SUN3: variants seen among roughly 807,000 people sequenced by gnomAD.
SUN3 encodes the protein Sad1 and UNC84 domain containing 3.
In SUN3, 36 loss-of-function variants were observed where a neutral mutation model predicts 48.2. The ratio of observed to expected loss-of-function variants is 0.75; its 90% CI spans 0.57 to 0.99. The LOEUF is 0.99. Ranked by LOEUF, SUN3 falls within the 50% of genes least tolerant of loss-of-function variation. The pLI is 0.00. For missense variants in SUN3, 419 were observed against 433.1 expected (o/e 0.97, Z 0.29); for synonymous variants, 148 against 147.9 (o/e 1.00, Z 0.00).
chr7:48,009,667 G>A lies in SUN3; in HGVS notation c.289-592C>T, dbSNP rs1268818577. ...GGTATAGATAGTCTCTGGTATGGAC[G>A]GTCTTGGTGGTGCCCAAACCAAGAC... is the stretch of plus-strand genomic sequence containing the variant. On this transcript the variant is annotated intron_variant, in intron 3 of 9. Coordinates refer to ENST00000297325, the MANE Select transcript of SUN3 (RefSeq NM_001030019.2). 9.2e-5 allele frequency among the ~76,000 whole-genome samples: 14 copies of A among 152,160 alleles called. No homozygotes were observed. The East Asian group carries it at 1.9e-3, about 21-fold the overall frequency.
chr7:48,001,312 C>T (rs1331959592), intron 6 of SUN3, among the ~76,000 whole-genome samples: 1 of 152,102 alleles, frequency 6.6e-6, no homozygotes, highest in Non-Finnish European at 1.5e-5. Flanking sequence ...TCATTTAGCT[C>T]CCACTTATAA....
upstream of SUN3, among the ~76,000 whole-genome samples, chr7:48,033,912 G>A (rs1472492264): frequency 2.6e-5 from 4 of 152,146 alleles, no homozygotes; most frequent in South Asian, 8.3e-4. Flanking sequence ...AAATTAGCCA[G>A]GCGTGGTAGC....
chr7:48,001,133 C>T (rs906936750), intron 6 of SUN3, among the ~76,000 whole-genome samples: 32 of 152,164 alleles, frequency 2.1e-4, no homozygotes, highest in African/African-American at 7.5e-4. Flanking sequence ...AGGTTTGTTA[C>T]ACAGAAAAAC....
chr7:48,028,829 G>C lies in SUN3; in HGVS notation c.110C>G (p.Pro37Arg), dbSNP rs138855382. 1,630 of 1,613,790 alleles carry C rather than the reference G, an allele frequency of 1.0e-3. 1 individual carries two copies. Among genetic ancestry groups the C allele is most frequent in the Admixed American group, 1.3e-3 (77 of 59,982 alleles). Residue 37 changes from proline to arginine, a missense_variant, in exon 1 of 10, where the codon CCT becomes CGT. Pro to Arg is a moderately radical substitution (Grantham distance 103). Transcript: ENST00000297325. ...CATGTTTACCTACCCATTCGCATCA[G>C]GATTTTCGTCCTCTGATAACAAAGC... ...GNALLSEDEN[P>R]DANGVTRSWK...
At chr7:48,029,733 A>G (rs1331491191), upstream of SUN3, among the ~76,000 whole-genome samples, 2 of 152,160 alleles carry the variant, frequency 1.3e-5, no homozygotes, top group African/African-American at 4.8e-5. Flanking sequence ...CTAGAAACAG[A>G]ATAGTTAGGT....
chr7:48,019,978 A>AAAAAAAAAAAAAAAAAAAAAAAAT (rs1789943903), intron 2 of SUN3, among the ~76,000 whole-genome samples: 1 of 81,126 alleles, frequency 1.2e-5, no homozygotes, highest in Non-Finnish European at 2.1e-5. Context: ...AAGACACATC[A>AAAAAAAAAAAAAAAAAAAAAAAAT]AAAAAAAAAA....
upstream of SUN3, among the ~76,000 whole-genome samples, chr7:48,033,881 C>A (rs1790284615): frequency 6.6e-6 from 1 of 152,160 alleles, no homozygotes; most frequent in Admixed American, 6.5e-5. Context: ...TGGCAAAACC[C>A]CATGTGTACT....
intron 6 of SUN3, 62 bp from the exon 7 acceptor site, chr7:47,996,208 T>C (rs1003599965): frequency 2.1e-6 from 2 of 943,504 alleles, no homozygotes; most frequent in African/African-American, 1.7e-5. Context: ...AACACATCAT[T>C]TGAATTTTAA....
At chr7:48,031,870 G>T (rs1379626029), upstream of SUN3, among the ~76,000 whole-genome samples, 7 of 92,810 alleles carry the variant, frequency 7.5e-5, no homozygotes, top group Non-Finnish European at 1.2e-4. Context: ...ACACACACAC[G>T]GTGGGTGTGT....
intron 3 of SUN3, among the ~76,000 whole-genome samples, chr7:48,013,398 T>C (rs1228000572): frequency 6.6e-6 from 1 of 152,210 alleles, no homozygotes; most frequent in Non-Finnish European, 1.5e-5. Context: ...CTGTTCTCCA[T>C]GGTGGAATAT....
intron 5 of SUN3, 81 bp from the exon 6 acceptor site, chr7:48,006,134 G>T: frequency 9.7e-7 from 1 of 1,035,620 alleles, no homozygotes; most frequent in Non-Finnish European, 1.4e-6. Flanking sequence ...TATTGATTTG[G>T]ACCTAATTTG....
chr7:48,015,952 GA>G (rs1789800125), intron 3 of SUN3, among the ~76,000 whole-genome samples: 1 of 152,076 alleles, frequency 6.6e-6, no homozygotes. Context: ...GCCTTTTTAG[GA>G]CTAACAAATT....
chr7:48,010,359 C>T (rs1789650337), intron 3 of SUN3, among the ~76,000 whole-genome samples: 1 of 152,130 alleles, frequency 6.6e-6, no homozygotes, highest in South Asian at 2.1e-4. Flanking sequence ...GTGATCTCTT[C>T]CCCAGAGGAT....
upstream of SUN3, among the ~76,000 whole-genome samples, chr7:48,029,998 C>G (rs1562617596): frequency 1.3e-5 from 2 of 152,114 alleles, no homozygotes; most frequent in East Asian, 3.8e-4. Context: ...ACTTATAACT[C>G]AGAGAGTCTT....
At position 48,003,029 on chromosome 7, in the gene SUN3, CTT is replaced by C. The variant is rs58133143; in HGVS notation, c.577+2938_577+2939del. ...TACCTAGGTTGTCTTCCAGGGTTTT[CTT>C]TTTTTTTTTGTAGTTTTGGCTTTTA... is the stretch of plus-strand genomic sequence containing the variant. On this transcript the variant is annotated intron_variant, in intron 6 of 9. Coordinates refer to ENST00000297325, the MANE Select transcript of SUN3 (RefSeq NM_001030019.2). Among the ~76,000 whole-genome samples, 516 of 147,988 alleles carry C rather than the reference CTT, an allele frequency of 3.5e-3. 7 individuals are homozygous for C. Among genetic ancestry groups the C allele is most frequent in the African/African-American group, 0.012 (470 of 39,984 alleles).
intron 2 of SUN3, among the ~76,000 whole-genome samples, chr7:48,017,583 T>G (rs554022163): frequency 2.0e-4 from 31 of 152,320 alleles, no homozygotes; most frequent in African/African-American, 2.6e-4. Context: ...GAATCAATTT[T>G]TTTTGGAACT....
At chr7:48,001,531 GTTT>G (rs1166666161) in intron 6 of SUN3, among the ~76,000 whole-genome samples, 5 of 110,512 alleles carry the variant, frequency 4.5e-5, no homozygotes, top group African/African-American at 1.8e-4. Flanking sequence ...TGTTTTTTTT[GTTT>G]TTTTTTTTTT....
At chr7:47,999,697 T>C (rs1287519463) in intron 6 of SUN3, among the ~76,000 whole-genome samples, 1 of 152,040 alleles carries the variant, frequency 6.6e-6, no homozygotes, top group African/African-American at 2.4e-5. Flanking sequence ...CCACCGCGCC[T>C]GGCTGTTTTG....
At chr7:48,000,159 T>TG (rs1218130121) in intron 6 of SUN3, 1 of 152,228 alleles carries the variant, frequency 6.6e-6, no homozygotes, top group Admixed American at 6.5e-5. Flanking sequence ...TGTTTTGAGA[T>TG]GGAGTTTCGC....
Sources: gnomAD v4.1 joint callset for allele counts (sites outside exome capture counted in the v4.1 genomes callset) on GRCh38, gnomAD v4.1.1 for gene constraint, MANE v1.5 for transcripts, NCBI Gene and HGNC (gene_info 2026-07-23, HGNC 2026-07-21) for gene names.